ZNF804B: variants seen among roughly 807,000 people sequenced by gnomAD.
ZNF804B encodes the protein zinc finger protein 804B, also known as zinc finger 804B.
A neutral mutation model predicts 101.4 loss-of-function variants in ZNF804B; 80 were observed. The ratio of observed to expected loss-of-function variants is 0.79; its 90% CI spans 0.66 to 0.95. The LOEUF is 0.95. Ranked by LOEUF, ZNF804B falls within the 40% of genes least tolerant of loss-of-function variation. The pLI is 0.00. For synonymous variants in ZNF804B, 622 were observed against 558.8 expected (o/e 1.11, Z -1.59); for missense variants, 1,673 against 1,561.9 (o/e 1.07, Z -1.20).
At chr7:88,896,326 G>T (rs1370019663) in intron 1 of ZNF804B, among the ~76,000 whole-genome samples, 1 of 152,080 alleles carries the variant, frequency 6.6e-6, no homozygotes, top group Admixed American at 6.6e-5. Context: ...GAAGTACAAA[G>T]GAACTCATTG....
intron 1 of ZNF804B, among the ~76,000 whole-genome samples, chr7:88,844,966 CT>C (rs1791347161): frequency 6.6e-6 from 1 of 152,138 alleles, no homozygotes; most frequent in Admixed American, 6.5e-5. Context: ...TGGAAGTTCT[CT>C]CATTAAAGCA....
At chr7:89,016,570 G>C (rs372026442) in intron 1 of ZNF804B, among the ~76,000 whole-genome samples, 9,801 of 132,402 alleles carry the variant, frequency 0.074, 587 homozygotes, top group East Asian at 0.18. Flanking sequence ...AGCCAGTTTT[G>C]CCGGCACCAT....
chr7:89,176,595 T>C lies in ZNF804B; in HGVS notation c.109-41560T>C, dbSNP rs1287854335. ...TTTTTCTTTCTTTCTTTCTTTCTTT[T>C]TTTTTTTTTTTTTCATGTTTCCTTG... On this transcript the variant is annotated intron_variant, in intron 1 of 3. Coordinates refer to ENST00000333190, the MANE Select transcript of ZNF804B (RefSeq NM_181646.5). Among the ~76,000 whole-genome samples, 35 of 145,326 alleles carry C rather than the reference T, an allele frequency of 2.4e-4. 1 individual carries two copies. The highest frequency in any genetic ancestry group is 1.5e-3 in the Admixed American group (22 of 14,662).
intron 1 of ZNF804B, among the ~76,000 whole-genome samples, chr7:88,830,702 C>T (rs1184935242): frequency 6.6e-6 from 1 of 151,812 alleles, no homozygotes; most frequent in African/African-American, 2.4e-5. Flanking sequence ...ACACTATAGC[C>T]CTTATTTAGA....
chr7:89,278,195 T>C lies in ZNF804B; in HGVS notation c.250-49149T>C, dbSNP rs1024192476. Among the ~76,000 whole-genome samples, 4 of 149,698 alleles carry C rather than the reference T, an allele frequency of 2.7e-5. No individual in the cohort carries two copies. In the Admixed American group the frequency reaches 2.7e-4, roughly 10 times the overall value. ...ATCCTTTGCCCACTTTTTGATGGGG[T>C]TGTTTGTTTTTTTCTTGTAAATTTG... is the stretch of plus-strand genomic sequence containing the variant. On this transcript the variant is annotated intron_variant, in intron 2 of 3. Coordinates refer to ENST00000333190, the MANE Select transcript of ZNF804B (RefSeq NM_181646.5).
intron 1 of ZNF804B, among the ~76,000 whole-genome samples, chr7:88,792,137 C>T (rs1037252556): frequency 3.3e-5 from 5 of 151,944 alleles, no homozygotes; most frequent in African/African-American, 1.2e-4. Context: ...ACCTAGCCTT[C>T]GAGATCACAC....
At chr7:88,859,361 C>T (rs1791615927) in intron 1 of ZNF804B, among the ~76,000 whole-genome samples, 2 of 151,976 alleles carry the variant, frequency 1.3e-5, no homozygotes, top group Non-Finnish European at 2.9e-5. Context: ...TTTACAAAAA[C>T]TGATATAAGC....
chr7:89,252,414 AG>A (rs1319815920), intron 2 of ZNF804B, among the ~76,000 whole-genome samples: 1 of 152,184 alleles, frequency 6.6e-6, no homozygotes, highest in Non-Finnish European at 1.5e-5. Flanking sequence ...TGTGGAAAAA[AG>A]GGAATGCATA....
At chr7:89,214,376 T>G (rs36075073) in intron 1 of ZNF804B, among the ~76,000 whole-genome samples, 18,536 of 152,096 alleles carry the variant, frequency 0.12, 1,214 homozygotes, top group Middle Eastern at 0.26. Flanking sequence ...ATGAATGAAT[T>G]CATTATATAT....
intron 2 of ZNF804B, among the ~76,000 whole-genome samples, chr7:89,233,586 T>A (rs1307584452): frequency 1.3e-5 from 2 of 152,090 alleles, no homozygotes; most frequent in Non-Finnish European, 2.9e-5. Context: ...GGGGTGGGCT[T>A]CAGTTTGAGG....
At chr7:89,272,208 A>G (rs1789909270) in intron 2 of ZNF804B, among the ~76,000 whole-genome samples, 1 of 151,972 alleles carries the variant, frequency 6.6e-6, no homozygotes. Flanking sequence ...TTTTTATTGA[A>G]TTTGATCTCA....
chr7:88,790,217 T>C (rs1338154242), intron 1 of ZNF804B, among the ~76,000 whole-genome samples: 1 of 152,168 alleles, frequency 6.6e-6, no homozygotes, highest in Non-Finnish European at 1.5e-5. Flanking sequence ...GGTTAAGTTA[T>C]GTACTCTTAT....
chr7:88,862,337 A>AGCTC (rs1474885627), intron 1 of ZNF804B, among the ~76,000 whole-genome samples: 1 of 152,134 alleles, frequency 6.6e-6, no homozygotes, highest in Non-Finnish European at 1.5e-5. Context: ...ACCCTTAAGG[A>AGCTC]GCTCGCCATT....
At chr7:88,836,632 A>T (rs1203176900) in intron 1 of ZNF804B, among the ~76,000 whole-genome samples, 1 of 152,006 alleles carries the variant, frequency 6.6e-6, no homozygotes, top group African/African-American at 2.4e-5. Flanking sequence ...AAATGTATAA[A>T]TGCACAAATG....
intron 1 of ZNF804B, among the ~76,000 whole-genome samples, chr7:89,175,234 A>T (rs66527506): frequency 0.21 from 31,204 of 151,692 alleles, 3,409 homozygotes; most frequent in Middle Eastern, 0.4. Flanking sequence ...TCTTTAATTC[A>T]TTTTGTTTTG....
intron 1 of ZNF804B, among the ~76,000 whole-genome samples, chr7:89,152,277 A>G (rs1213956011): frequency 6.6e-6 from 1 of 150,508 alleles, no homozygotes; most frequent in Non-Finnish European, 1.5e-5. Flanking sequence ...ATTTGTATAC[A>G]TTTATGGGGA....
At chr7:89,070,051 G>A (rs57172681) in intron 1 of ZNF804B, among the ~76,000 whole-genome samples, 1,535 of 152,170 alleles carry the variant, frequency 0.01, 24 homozygotes, top group African/African-American at 0.035. Flanking sequence ...TGTGTTTCTT[G>A]TTACCTACTG....
At chr7:88,804,456 T>C (rs1167018849) in intron 1 of ZNF804B, among the ~76,000 whole-genome samples, 2 of 152,148 alleles carry the variant, frequency 1.3e-5, no homozygotes, top group African/African-American at 2.4e-5. Flanking sequence ...AGACTACATA[T>C]AACACTAAAC....
At chr7:89,072,530 A>T (rs947756019) in intron 1 of ZNF804B, among the ~76,000 whole-genome samples, 1 of 152,156 alleles carries the variant, frequency 6.6e-6, no homozygotes, top group African/African-American at 2.4e-5. Context: ...GCTTTACCTG[A>T]AAGTTGGGGC....
Sources: gnomAD v4.1 joint callset for allele counts (sites outside exome capture counted in the v4.1 genomes callset) on GRCh38, gnomAD v4.1.1 for gene constraint, MANE v1.5 for transcripts, NCBI Gene and HGNC (gene_info 2026-07-23, HGNC 2026-07-21) for gene names.